The following SLFN12L variants were observed in gnomAD, a reference collection of about 807,000 sequenced individuals.
SLFN12L encodes the protein schlafen family member 12 like.
Under a neutral mutation model 34.8 loss-of-function variants are expected in SLFN12L, and 34 were observed. The observed-to-expected ratio is 0.98, with a 90% confidence interval of 0.74 to 1.30. The LOEUF (loss-of-function observed/expected upper bound fraction) is 1.30. Ranked by LOEUF, SLFN12L falls within the 50% of genes most tolerant of loss-of-function variation. The pLI, the probability that SLFN12L is intolerant of heterozygous loss-of-function variation, is 0.00. For synonymous variants in SLFN12L, 259 were observed against 247.5 expected (o/e 1.05, Z -0.44); for missense variants, 703 against 696.2 (o/e 1.01, Z -0.11).
At chr17:35,491,217 G>A in intron 2 of SLFN12L, 4 of 1,096,272 alleles carry the variant, frequency 3.6e-6, no homozygotes, top group Non-Finnish European at 5.3e-6. Flanking sequence ...AGCTCCCACT[G>A]GTGGAAGACT....
At chr17:35,479,070 GC>G in intron 3 of SLFN12L, 46 bp downstream of exon 3, 1 of 1,401,750 alleles carries the variant, frequency 7.1e-7, no homozygotes, top group Non-Finnish European at 9.6e-7. Flanking sequence ...AAACCTTCCT[GC>G]CACCCAAGCC....
intron 1 of SLFN12L, among the ~76,000 whole-genome samples, chr17:35,525,347 A>C (rs947673438): frequency 1.5e-4 from 23 of 152,200 alleles, no homozygotes; most frequent in Admixed American, 1.3e-3. Context: ...CAAATTTAGG[A>C]AATACAGAGA....
chr17:35,506,025 T>A (rs1567674260), intron 2 of SLFN12L, among the ~76,000 whole-genome samples: 1 of 152,188 alleles, frequency 6.6e-6, no homozygotes. Context: ...ATAATGCTAT[T>A]CTATACAAGG....
intron 2 of SLFN12L, among the ~76,000 whole-genome samples, chr17:35,513,433 G>C (rs560675549): frequency 3.9e-5 from 6 of 152,288 alleles, no homozygotes; most frequent in African/African-American, 1.4e-4. Context: ...GAAATGCCTA[G>C]TACATAGGAA....
rs1043676998 is a variant in SLFN12L at position 35,471,623 on chromosome 17, G to A, written c.*3300C>T. 5.9e-5 allele frequency among the ~76,000 whole-genome samples: 9 copies of A among 151,370 alleles called. No homozygotes were observed. Among genetic ancestry groups the A allele is most frequent in the East Asian group, 3.9e-4 (2 of 5,170 alleles). On this transcript the variant is annotated 3_prime_UTR_variant, in exon 5 of 5. Transcript: ENST00000628453. ...AGCATTCCTATTTCTCCACAGCCTC[G>A]CCGTGCAGTGGAGACTTTTTAATAA...
At chr17:35,529,897 G>A in intron 1 of SLFN12L, among the ~76,000 whole-genome samples, 1 of 151,142 alleles carries the variant, frequency 6.6e-6, no homozygotes. Flanking sequence ...TAAAACTATT[G>A]AAATAATAAA....
intron 2 of SLFN12L, chr17:35,498,364 G>C: frequency 9.4e-7 from 1 of 1,062,564 alleles, no homozygotes; most frequent in South Asian, 1.3e-5. Flanking sequence ...ACGGTACACA[G>C]AGAATCTCAT....
intron 2 of SLFN12L, among the ~76,000 whole-genome samples, chr17:35,495,539 A>C (rs895316960): frequency 2.6e-5 from 4 of 152,182 alleles, no homozygotes; most frequent in African/African-American, 9.7e-5. Context: ...GACACAGGCC[A>C]AAACAATCCC....
chr17:35,493,595 A>C (rs1914927715), intron 2 of SLFN12L, among the ~76,000 whole-genome samples: 1 of 152,226 alleles, frequency 6.6e-6, no homozygotes, highest in Non-Finnish European at 1.5e-5. Context: ...ACTGGTGTAC[A>C]TTAATTAGAT....
intron 2 of SLFN12L, among the ~76,000 whole-genome samples, chr17:35,505,466 G>T (rs916865731): frequency 6.6e-6 from 1 of 152,096 alleles, no homozygotes; most frequent in Non-Finnish European, 1.5e-5. Flanking sequence ...AAACTTAAAG[G>T]CCCCCCACGC....
At chr17:35,514,866 T>A (rs769576698) in intron 2 of SLFN12L, 1 of 400,622 alleles carries the variant, frequency 2.5e-6, no homozygotes, top group Non-Finnish European at 4.9e-6. Context: ...AGTGGAAGAG[T>A]TTGTTGTAAC....
intron 2 of SLFN12L, among the ~76,000 whole-genome samples, chr17:35,500,953 C>T (rs1437769593): frequency 6.6e-6 from 1 of 152,324 alleles, no homozygotes; most frequent in South Asian, 2.1e-4. Flanking sequence ...ACAGGAATTG[C>T]TTACTCGGGG....
chr17:35,476,325 G>T (rs1370809898), intron 4 of SLFN12L, among the ~76,000 whole-genome samples: 1 of 152,096 alleles, frequency 6.6e-6, no homozygotes, highest in African/African-American at 2.4e-5. Context: ...CTAGGGCTGG[G>T]TGTGGTGGCT....
Position 35,474,884 on chromosome 17 carries a change from T to C in SLFN12L, c.*39A>G, listed in dbSNP as rs1243621027. 1 of 1,492,892 alleles carries C rather than the reference T, an allele frequency of 6.7e-7. No homozygotes were observed. 92.5% of individuals were successfully genotyped at this position (1,492,892 alleles called of 1,614,324 possible). On this transcript the variant is annotated 3_prime_UTR_variant, in exon 5 of 5. Coordinates refer to ENST00000628453, the MANE Select transcript of SLFN12L (RefSeq NM_001363830.2). ...AGGCAGAGGTTGCAGTGAGTCGAGA[T>C]CGTGTCACTACACTCCAGTCTGGGT...
rs980751354 is a variant in SLFN12L at position 35,498,382 on chromosome 17, A to T, written c.87-18187T>A. The T allele has an allele frequency of 1.2e-5, 14 of 1,162,336 alleles. No individual in the cohort carries two copies. In the African/African-American group the frequency reaches 1.7e-4, roughly 14 times the overall value. The allele number at this position is 1,162,336 out of a possible 1,614,324, so 72.0% of individuals were successfully genotyped here. On this transcript the variant is annotated intron_variant, in intron 2 of 4. Coordinates refer to ENST00000628453, the MANE Select transcript of SLFN12L (RefSeq NM_001363830.2). ...GTACACAGAGAATCTCATTGTGCCG[A>T]CATAGTGTCTGCAGTCCCTTGCCAG...
Position 35,522,942 on chromosome 17 carries a change from A to G in SLFN12L, c.-578T>C. The G allele has an allele frequency of 1.7e-6, 1 of 571,916 alleles. No individual in the cohort carries two copies. 35.4% of individuals were successfully genotyped at this position (571,916 alleles called of 1,614,324 possible). A position where few individuals can be genotyped will look rare whatever the true frequency, so the allele number is the denominator to read the frequency against. The stretch of plus-strand genomic sequence containing the variant: ...GGACAGCTCCTTCCAGAGGGATTCC[A>G]GAGTACATCGCAAATATCCTGGTAG... On this transcript the variant is annotated 5_prime_UTR_variant, in exon 2 of 5. Transcript: ENST00000628453.
At chr17:35,476,524 A>G (rs113826020) in intron 4 of SLFN12L, among the ~76,000 whole-genome samples, 1 of 147,524 alleles carries the variant, frequency 6.8e-6, no homozygotes, top group South Asian at 2.3e-4. Flanking sequence ...GAAGGAAAGA[A>G]GGAAGGAAGG....
Position 35,530,513 on chromosome 17 carries a change from A to AAAAAGAAAGAAAGAAAGAAAGAAAG in SLFN12L, c.-606+7059_-606+7060insCTTTCTTTCTTTCTTTCTTTCTTTT, listed in dbSNP as rs1567694642. ...GAAAGAAAGAAAGAAAGAAAGAAAG[A>AAAAAGAAAGAAAGAAAGAAAGAAAG]AAAGAAAAGAAAAGAAAAGAAAAGA... On this transcript the variant is annotated intron_variant, in intron 1 of 4. Transcript: ENST00000628453. Among the ~76,000 whole-genome samples the AAAAAGAAAGAAAGAAAGAAAGAAAG allele has an allele frequency of 8.9e-4, 29 of 32,600 alleles. 1 individual carries two copies. Among genetic ancestry groups the AAAAAGAAAGAAAGAAAGAAAGAAAG allele is most frequent in the African/African-American group, 3.0e-3 (28 of 9,248 alleles). 21.4% of individuals were successfully genotyped at this position (32,600 alleles called of 152,430 possible).
chr17:35,525,350 T>C (rs1050656103), intron 1 of SLFN12L, among the ~76,000 whole-genome samples: 1 of 152,070 alleles, frequency 6.6e-6, no homozygotes, highest in African/African-American at 2.4e-5. Flanking sequence ...ATTTAGGAAA[T>C]ACAGAGAACA....
Sources: gnomAD v4.1 joint callset for allele counts (sites outside exome capture counted in the v4.1 genomes callset) on GRCh38, gnomAD v4.1.1 for gene constraint, MANE v1.5 for transcripts, NCBI Gene and HGNC (gene_info 2026-07-23, HGNC 2026-07-21) for gene names.